SCHIP1: variants seen among roughly 807,000 people sequenced by gnomAD.
The protein encoded by SCHIP1 is schwannomin-interacting protein 1.
In SCHIP1, 8 loss-of-function variants were observed where a neutral mutation model predicts 29.7. That is an observed-to-expected ratio of 0.27 (90% CI 0.16 to 0.49). The LOEUF is 0.49. SCHIP1 is among the 20% of genes least tolerant of loss of function. The pLI is 0.99. For synonymous variants in SCHIP1, 76 were observed against 94.9 expected, an observed-to-expected ratio of 0.80 and a Z score of 1.16; for missense variants, 193 against 294.6, an observed-to-expected ratio of 0.66 and a Z score of 2.52.
the SCHIP1 span, among the ~76,000 whole-genome samples, chr3:159,289,760 A>G: frequency 6.6e-6 from 1 of 152,260 alleles, no homozygotes; most frequent in African/African-American, 2.4e-5. Context: ...TCTTGAACAA[A>G]TGAATCAGAG....
At chr3:159,568,150 TAGCC>T in the SCHIP1 span, among the ~76,000 whole-genome samples, 1 of 152,238 alleles carries the variant, frequency 6.6e-6, no homozygotes, top group South Asian at 2.1e-4. Flanking sequence ...ATTGATCTAA[TAGCC>T]AGTAAGCTTG....
the SCHIP1 span, among the ~76,000 whole-genome samples, chr3:159,493,434 A>C: frequency 6.6e-6 from 1 of 152,250 alleles, no homozygotes; most frequent in Non-Finnish European, 1.5e-5. Flanking sequence ...AAAACAAAAA[A>C]AGGCAGGGGT....
chr3:159,656,347 T>C, the SCHIP1 span, among the ~76,000 whole-genome samples: 1 of 152,170 alleles, frequency 6.6e-6, no homozygotes. Flanking sequence ...AGTGCAGAAC[T>C]GGTGTTACAC....
chr3:159,855,758 G>C (rs977952803), intron 1 of SCHIP1, among the ~76,000 whole-genome samples: 1 of 151,944 alleles, frequency 6.6e-6, no homozygotes, highest in Non-Finnish European at 1.5e-5. Context: ...AGGTACCATA[G>C]AATTCCCTGA....
the SCHIP1 span, among the ~76,000 whole-genome samples, chr3:159,303,090 C>A: frequency 6.6e-6 from 1 of 151,906 alleles, no homozygotes; most frequent in East Asian, 1.9e-4. Context: ...GAATTTAAAC[C>A]CAGAAAGTTT....
At chr3:159,422,156 T>G in the SCHIP1 span, among the ~76,000 whole-genome samples, 1 of 152,198 alleles carries the variant, frequency 6.6e-6, no homozygotes, top group East Asian at 1.9e-4. Flanking sequence ...TTCAATATAT[T>G]GTGTGTGGTT....
the SCHIP1 span, among the ~76,000 whole-genome samples, chr3:159,429,804 A>G: frequency 6.6e-6 from 1 of 152,170 alleles, no homozygotes; most frequent in Non-Finnish European, 1.5e-5. Context: ...TTGAGCCTAG[A>G]GCTCTAAATT....
At chr3:159,815,060 C>G in the SCHIP1 span, among the ~76,000 whole-genome samples, 1 of 152,192 alleles carries the variant, frequency 6.6e-6, no homozygotes, top group Non-Finnish European at 1.5e-5. Context: ...AGGAAGACTT[C>G]TTGCTGCGGA....
At chr3:159,286,366 C>A in the SCHIP1 span, among the ~76,000 whole-genome samples, 1 of 152,108 alleles carries the variant, frequency 6.6e-6, no homozygotes, top group Non-Finnish European at 1.5e-5. Flanking sequence ...AGGATAATGG[C>A]CTCTAGCTGC....
intron 5 of SCHIP1, among the ~76,000 whole-genome samples, chr3:159,890,008 T>C (rs1717337043): frequency 6.6e-6 from 1 of 150,800 alleles, no homozygotes; most frequent in African/African-American, 2.4e-5. Context: ...GGCAGGAGAA[T>C]GGCGTGAACC....
chr3:159,840,063 C>T, exon 1 of SCHIP1: 3 of 1,500,930 alleles, frequency 2.0e-6, no homozygotes, highest in Non-Finnish European at 2.6e-6. Flanking sequence ...CCATTTTAAT[C>T]TGCGGGGAGC....
the SCHIP1 span, among the ~76,000 whole-genome samples, chr3:159,413,535 G>C: frequency 2.0e-5 from 3 of 152,272 alleles, no homozygotes; most frequent in Admixed American, 2.0e-4. Flanking sequence ...AGTCTTCCAG[G>C]AGCTGGGGAT....
the SCHIP1 span, among the ~76,000 whole-genome samples, chr3:159,626,218 A>C: frequency 4.1e-3 from 448 of 108,758 alleles, 22 homozygotes; most frequent in African/African-American, 0.022. Flanking sequence ...ATATATCTAG[A>C]TATATATATA....
At chr3:159,563,970 C>T in the SCHIP1 span, among the ~76,000 whole-genome samples, 1 of 152,160 alleles carries the variant, frequency 6.6e-6, no homozygotes, top group Non-Finnish European at 1.5e-5. Flanking sequence ...GCACTTACTG[C>T]CTTCTGCCTG....
At chr3:159,813,512 G>A in the SCHIP1 span, among the ~76,000 whole-genome samples, 10,058 of 152,104 alleles carry the variant, frequency 0.066, 388 homozygotes, top group South Asian at 0.2. Flanking sequence ...GCAACCTGGG[G>A]AGACCCCGTC....
At chr3:159,459,372 C>A in the SCHIP1 span, among the ~76,000 whole-genome samples, 2 of 152,132 alleles carry the variant, frequency 1.3e-5, no homozygotes, top group Non-Finnish European at 1.5e-5. Flanking sequence ...CCTTGCTTTT[C>A]CAGGCTTCTT....
the SCHIP1 span, among the ~76,000 whole-genome samples, chr3:159,392,537 C>A: frequency 5.3e-5 from 8 of 151,226 alleles, no homozygotes; most frequent in African/African-American, 1.7e-4. Flanking sequence ...CAGTTCCCAC[C>A]TATGAGTGAG....
the SCHIP1 span, among the ~76,000 whole-genome samples, chr3:159,776,022 C>T: frequency 6.6e-6 from 1 of 152,136 alleles, no homozygotes; most frequent in Non-Finnish European, 1.5e-5. Flanking sequence ...TTTTCCCCAC[C>T]TAAAGAAAGA....
chr3:159,534,317 A>G, the SCHIP1 span, among the ~76,000 whole-genome samples: 275 of 152,236 alleles, frequency 1.8e-3, no homozygotes, highest in Non-Finnish European at 3.4e-3. Flanking sequence ...TTGATATTGA[A>G]GTAGACTGGG....
Sources: gnomAD v4.1 joint callset for allele counts (sites outside exome capture counted in the v4.1 genomes callset) on GRCh38, gnomAD v4.1.1 for gene constraint, MANE v1.5 for transcripts, NCBI Gene and HGNC (gene_info 2026-07-23, HGNC 2026-07-21) for gene names.